The following RABEP1 variants were observed in gnomAD, a reference collection of about 807,000 sequenced individuals.
The protein encoded by RABEP1 is rabaptin, RAB GTPase binding effector protein 1.
A neutral mutation model predicts 123.4 loss-of-function variants in RABEP1; 51 were observed. The ratio of observed to expected loss-of-function variants is 0.41; its 90% confidence interval spans 0.33 to 0.52. The LOEUF (loss-of-function observed/expected upper bound fraction) is 0.52. RABEP1 is among the 20% of genes least tolerant of loss of function. The probability of loss-of-function intolerance (pLI) is 0.16; values close to 1 mark genes in which losing one functional copy is unlikely to be tolerated. For synonymous variants in RABEP1, 347 were observed against 355.2 expected (o/e 0.98, Z 0.26); for missense variants, 888 against 996.3 (o/e 0.89, Z 1.46).
rs1910257628 is a variant in RABEP1, at chr17:5,368,373, T to G, written c.1789T>G (p.Ser597Ala). ...QSSEDSSHQI[S>A]ALVLRAQASE... ...CTATACATGTGTTTTTTTAAAGATCTCTGCACTCGTCCTAAGAGCCCAGGC... is the reference window on the plus strand; with the variant it reads ...CTATACATGTGTTTTTTTAAAGATCGCTGCACTCGTCCTAAGAGCCCAGGC... The change falls in exon 12 of 18, where the codon TCT becomes GCT. Residue 597 changes from serine (S) to alanine (A), a missense_variant. Physicochemically the swap from Ser to Ala is moderately conservative, Grantham distance 99 (BLOSUM62 1). Transcript: ENST00000537505. 3 of 1,609,094 alleles carry G rather than the reference T, an allele frequency of 1.9e-6. No homozygotes were observed. Among genetic ancestry groups the G allele is most frequent in the Non-Finnish European group, 2.5e-6 (3 of 1,176,708 alleles).
At chr17:5,295,269 C>T (rs2144475033) in intron 1 of RABEP1, among the ~76,000 whole-genome samples, 1 of 151,812 alleles carries the variant, frequency 6.6e-6, no homozygotes, top group East Asian at 1.9e-4. Context: ...CACCTGTAAT[C>T]CCAGCTATTT....
intron 2 of RABEP1, among the ~76,000 whole-genome samples, chr17:5,330,884 C>A (rs952178916): frequency 6.6e-6 from 1 of 151,704 alleles, no homozygotes; most frequent in East Asian, 1.9e-4. Context: ...ATTAGCCGGG[C>A]GTGATGGTGC....
intron 1 of RABEP1, among the ~76,000 whole-genome samples, chr17:5,308,350 T>C (rs538725871): frequency 4.0e-5 from 6 of 151,788 alleles, no homozygotes; most frequent in South Asian, 4.2e-4. Context: ...CTCAGCCTCC[T>C]GAGTAGCTGG....
At chr17:5,319,060 G>A (rs888194231) in intron 2 of RABEP1, among the ~76,000 whole-genome samples, 1 of 152,068 alleles carries the variant, frequency 6.6e-6, no homozygotes, top group Non-Finnish European at 1.5e-5. Flanking sequence ...GGCCGGGCGT[G>A]GTGGCTCATG....
At chr17:5,305,534 GGGTGTT>G (rs765618570) in intron 1 of RABEP1, among the ~76,000 whole-genome samples, 13 of 152,118 alleles carry the variant, frequency 8.5e-5, no homozygotes, top group Non-Finnish European at 1.8e-4. Flanking sequence ...TGAGGGGTAT[GGGTGTT>G]TCGGTTATGT....
At chr17:5,368,316 G>A in intron 11 of RABEP1, 54 bp from the exon 12 acceptor site, 1 of 1,250,276 alleles carries the variant, frequency 8.0e-7, no homozygotes, top group Non-Finnish European at 1.2e-6. Context: ...GGAAGAGTTA[G>A]TTTCAGAATA....
At chr17:5,379,619 A>G (rs1196665391) in intron 15 of RABEP1, among the ~76,000 whole-genome samples, 1 of 152,116 alleles carries the variant, frequency 6.6e-6, no homozygotes, top group African/African-American at 2.4e-5. Context: ...AGCGCTCGAA[A>G]TAACATCTCA....
intron 4 of RABEP1, among the ~76,000 whole-genome samples, chr17:5,336,948 A>G (rs1437701921): frequency 2.6e-5 from 4 of 152,208 alleles, no homozygotes; most frequent in Non-Finnish European, 5.9e-5. Context: ...ATCGTGCACA[A>G]CTTAGTATAA....
In RABEP1 at chr17:5,357,937, C is replaced by T. The variant is rs556444694; in HGVS notation, c.1096-3271C>T. Reference sequence around the variant, plus strand: ...TTTAGGACTGGCTGGTAATTAATTCCAGCAGCCTTTGGGGTATAGGGTCTG... The same window carrying T: ...TTTAGGACTGGCTGGTAATTAATTCTAGCAGCCTTTGGGGTATAGGGTCTG... On this transcript the variant is annotated intron_variant, in intron 8 of 17. Coordinates refer to ENST00000537505, the MANE Select transcript of RABEP1 (RefSeq NM_004703.6). Among the ~76,000 whole-genome samples the T allele has an allele frequency of 2.0e-5, 3 of 152,230 alleles. No individual in the cohort carries two copies. In the South Asian group the frequency reaches 6.2e-4, roughly 32 times the overall value.
chr17:5,308,244 G>A (rs80124377), intron 1 of RABEP1, among the ~76,000 whole-genome samples: 1 of 54,906 alleles, frequency 1.8e-5, no homozygotes, highest in African/African-American at 6.8e-5. Context: ...TTTTTTTTTT[G>A]AGACAGAGTC....
At chr17:5,364,359 C>A (rs745933924) in intron 10 of RABEP1, 2 of 151,990 alleles carry the variant, frequency 1.3e-5, no homozygotes, top group Non-Finnish European at 2.9e-5. Flanking sequence ...GTGACTGTTA[C>A]GAAATAATGG....
At chr17:5,292,315 A>T (rs975830447) in intron 1 of RABEP1, among the ~76,000 whole-genome samples, 5 of 152,056 alleles carry the variant, frequency 3.3e-5, no homozygotes, top group South Asian at 2.1e-4. Context: ...TTTTTTAAAA[A>T]ATATATATAT....
At chr17:5,340,742 T>C (rs567552956) in intron 5 of RABEP1, among the ~76,000 whole-genome samples, 7 of 148,778 alleles carry the variant, frequency 4.7e-5, no homozygotes, top group Non-Finnish European at 5.9e-5. Flanking sequence ...AGGTCAGGAG[T>C]TCGAGACCAG....
At chr17:5,350,658 C>T (rs770040149) in intron 7 of RABEP1, 29 bp downstream of exon 7, 1 of 1,609,380 alleles carries the variant, frequency 6.2e-7, no homozygotes, top group South Asian at 1.1e-5. Context: ...GACTGATTTG[C>T]TTTGTCAGTA....
At chr17:5,337,371 C>T (rs11652389) in intron 4 of RABEP1, among the ~76,000 whole-genome samples, 45,393 of 152,008 alleles carry the variant, frequency 0.3, 7,248 homozygotes, top group African/African-American at 0.41. Context: ...CATGAACTTA[C>T]TAACCCAGGA....
At position 5,335,261 on chromosome 17, in the gene RABEP1, T is replaced by G; in HGVS notation, c.445T>G (p.Ser149Ala). The change falls in exon 4 of 18, where the codon TCC (serine) becomes GCC (alanine). Residue 149 changes from serine (S) to alanine (A), a missense_variant. Ser to Ala is a moderately conservative substitution (Grantham distance 99). Coordinates refer to ENST00000537505, the MANE Select transcript of RABEP1 (RefSeq NM_004703.6). ...ERTQWAQYRE[S>A]AEREIADLRR... Reference sequence around the variant, plus strand: ...AACACAGTGGGCACAGTATAGAGAATCCGCAGAGAGGGAAATAGCTGATTT... The same window carrying G: ...AACACAGTGGGCACAGTATAGAGAAGCCGCAGAGAGGGAAATAGCTGATTT... 1 of 1,613,930 alleles carries G rather than the reference T, an allele frequency of 6.2e-7. No individual in the cohort carries two copies. The highest frequency in any genetic ancestry group is 8.5e-7 in the Non-Finnish European group (1 of 1,179,936).
rs539908677 is a variant in RABEP1 at position 5,367,565 on chromosome 17, A to G, written c.1786-805A>G. Among the ~76,000 whole-genome samples, 138 of 151,416 alleles carry G rather than the reference A, an allele frequency of 9.1e-4. 2 individuals are homozygous for G. The highest frequency in any genetic ancestry group is 3.4e-3 in the Middle Eastern group (1 of 294). On this transcript the variant is annotated intron_variant, in intron 11 of 17. Coordinates refer to ENST00000537505, the MANE Select transcript of RABEP1 (RefSeq NM_004703.6). ...ATTACAGGCGTGAGTCACCGTGCCC[A>G]GCCAAGGGTAAAACTTTTTTTTAAA...
rs1911890479 is a variant in RABEP1, at chr17:5,385,605, A to C, written c.*2382A>C. On this transcript the variant is annotated 3_prime_UTR_variant, in exon 18 of 18. Coordinates refer to ENST00000537505, the MANE Select transcript of RABEP1 (RefSeq NM_004703.6). ...CTAAACTTGCACCTCATGTCCACTC[A>C]GTAACAAGTATTGGGACGTAGAGCA... 1 of 230,986 alleles carries C rather than the reference A, an allele frequency of 4.3e-6. No individual in the cohort carries two copies. Among genetic ancestry groups the C allele is most frequent in the South Asian group, 1.8e-4 (1 of 5,504 alleles). The allele number at this position is 230,986 out of a possible 1,614,324, so 14.3% of individuals were successfully genotyped here.
At chr17:5,285,427 C>T (rs2074968663) in intron 1 of RABEP1, among the ~76,000 whole-genome samples, 1 of 152,008 alleles carries the variant, frequency 6.6e-6, no homozygotes. Flanking sequence ...CAACTGCACC[C>T]AGCCTACTTC....
Sources: allele counts gnomAD v4.1 joint callset (sites outside exome capture counted in the v4.1 genomes callset), GRCh38; gene constraint gnomAD v4.1.1; transcripts MANE v1.5; gene names NCBI Gene and HGNC (gene_info 2026-07-23, HGNC 2026-07-21).